The following PNLIP variants were observed in gnomAD, a reference collection of about 807,000 sequenced individuals.
PNLIP encodes pancreatic lipase, also known as pancreatic triacylglycerol lipase.
PNLIP carries 49 observed loss-of-function variants against 57.1 expected under a neutral mutation model. The ratio of observed to expected loss-of-function variants is 0.86; its 90% CI spans 0.68 to 1.09. The LOEUF (loss-of-function observed/expected upper bound fraction) is 1.09, where lower values mean the gene tolerates loss of function less well. PNLIP is among the 50% of genes least tolerant of loss of function. The pLI, the probability that PNLIP is intolerant of heterozygous loss-of-function variation, is 0.00. For missense variants in PNLIP, 503 were observed against 570.2 expected, an observed-to-expected ratio of 0.88 and a Z score of 1.20; for synonymous variants, 209 against 200.4, an observed-to-expected ratio of 1.04 and a Z score of -0.36.
At chr10:116,567,691 G>A (rs759112252) in intron 12 of PNLIP, 44 bp from the exon 13 acceptor site, 9 of 1,517,366 alleles carry the variant, frequency 5.9e-6, no homozygotes, top group African/African-American at 5.5e-5. Context: ...CTCCAGATAT[G>A]TGCCAGGAAG....
intron 4 of PNLIP, among the ~76,000 whole-genome samples, chr10:116,550,238 T>C (rs535731589): frequency 1.3e-5 from 2 of 151,724 alleles, no homozygotes; most frequent in African/African-American, 4.8e-5. Flanking sequence ...TTTTGTACTT[T>C]TAGTAGAGAT....
Position 116,548,384 on chromosome 10 carries a change from A to G in PNLIP, c.226A>G (p.Ile76Val). ...FQEVAADSSS[I>V]SGSNFKTNRK... Reference sequence around the variant, plus strand: ...GGAAGTTGCCGCAGATTCATCAAGCATCAGTGGCTCCAATTTCAAAACAAA... The same window carrying G: ...GGAAGTTGCCGCAGATTCATCAAGCGTCAGTGGCTCCAATTTCAAAACAAA... The change falls in exon 4 of 13, where the codon ATC becomes GTC. Residue 76 changes from isoleucine (I) to valine (V), a missense_variant. Coordinates refer to ENST00000369221, the MANE Select transcript of PNLIP (RefSeq NM_000936.4). 1 of 1,614,182 alleles carries G rather than the reference A, an allele frequency of 6.2e-7. No individual in the cohort carries two copies. The highest frequency in any genetic ancestry group is 8.5e-7 in the Non-Finnish European group (1 of 1,179,992).
Position 116,553,774 on chromosome 10 carries a change from C to T in PNLIP, c.507C>T (p.Ser169=), listed in dbSNP as rs760899993. 5 of 1,613,232 alleles carry T rather than the reference C, an allele frequency of 3.1e-6. No individual in the cohort carries two copies. The Admixed American group carries it at 5.0e-5, about 16-fold the overall frequency. ...CCAATGTGCATGTCATTGGCCACAG[C>T]CTGGGTGCCCACGCTGCTGGGGAGG... is the stretch of plus-strand genomic sequence containing the variant. ...SPSNVHVIGH[S]LGAHAAGEAG... The change falls in exon 6 of 13, where the codon AGC becomes AGT. Residue 169 remains serine (S), a synonymous_variant. Transcript: ENST00000369221.
intron 4 of PNLIP, among the ~76,000 whole-genome samples, 195 bp downstream of exon 4, chr10:116,548,677 T>A (rs1489481098): frequency 1.3e-5 from 2 of 152,174 alleles, no homozygotes; most frequent in Non-Finnish European, 2.9e-5. Flanking sequence ...GTCAGAGCAG[T>A]GAGGCTGGCA....
chr10:116,552,042 T>C (rs142924734), intron 5 of PNLIP, among the ~76,000 whole-genome samples: 130 of 152,316 alleles, frequency 8.5e-4, no homozygotes, highest in African/African-American at 3.0e-3. Flanking sequence ...ATAGCTATCA[T>C]GATACCACAG....
chr10:116,553,580 A>G, intron 5 of PNLIP, 147 bp from the exon 6 acceptor site: 1 of 658,578 alleles, frequency 1.5e-6, no homozygotes, highest in Non-Finnish European at 2.7e-6. Flanking sequence ...GTAGTAGGCT[A>G]TGCCATCTAG....
intron 4 of PNLIP, among the ~76,000 whole-genome samples, chr10:116,548,748 A>G (rs1847157497): frequency 6.6e-6 from 1 of 152,194 alleles, no homozygotes. Flanking sequence ...TTTCAACATT[A>G]TAGCAACAGA....
intron 4 of PNLIP, among the ~76,000 whole-genome samples, chr10:116,549,069 T>A (rs568114845): frequency 1.2e-4 from 19 of 152,332 alleles, no homozygotes; most frequent in African/African-American, 3.8e-4. Flanking sequence ...TAACTGCTAG[T>A]GCTTGAGGAA....
intron 9 of PNLIP, among the ~76,000 whole-genome samples, 158 bp downstream of exon 9, chr10:116,556,276 C>A (rs1455033855): frequency 6.6e-6 from 1 of 152,120 alleles, no homozygotes; most frequent in Admixed American, 6.6e-5. Flanking sequence ...AATTAGAGCA[C>A]TTTAGAGAAA....
rs570025333 is a variant in PNLIP, at chr10:116,547,934, A to G, written c.202-426A>G. ...TTCATATTATTCTTGTCCTTCCTCTATAACATTTAATAAATATTGTAAATG... is the reference window on the plus strand; with the variant it reads ...TTCATATTATTCTTGTCCTTCCTCTGTAACATTTAATAAATATTGTAAATG... On this transcript the variant is annotated intron_variant, in intron 3 of 12. Coordinates refer to ENST00000369221, the MANE Select transcript of PNLIP (RefSeq NM_000936.4). Among the ~76,000 whole-genome samples, 56 of 152,156 alleles carry G rather than the reference A, an allele frequency of 3.7e-4. 1 individual carries two copies. The highest frequency in any genetic ancestry group is 1.7e-3 in the South Asian group (8 of 4,818).
intron 12 of PNLIP, among the ~76,000 whole-genome samples, chr10:116,565,249 CAAA>C (rs71010093): frequency 5.4e-4 from 18 of 33,402 alleles, no homozygotes; most frequent in Non-Finnish European, 4.3e-4. Context: ...GACAATGTCT[CAAA>C]AAAAAAAAAA....
rs1214393208 is a variant in PNLIP, at chr10:116,548,349, T to C, written c.202-11T>C. On this transcript the variant is annotated splice_polypyrimidine_tract_variant and intron_variant, in intron 3 of 12. Transcript: ENST00000369221. ...AGGAAACTGACATGAAACACTTTTCTGTCTAAACAGGAAGTTGCCGCAGAT... is the reference window on the plus strand; with the variant it reads ...AGGAAACTGACATGAAACACTTTTCCGTCTAAACAGGAAGTTGCCGCAGAT... 2 of 1,613,398 alleles carry C rather than the reference T, an allele frequency of 1.2e-6. No individual in the cohort carries two copies.
At chr10:116,564,372 G>T (rs1353276308) in intron 12 of PNLIP, among the ~76,000 whole-genome samples, 1 of 152,102 alleles carries the variant, frequency 6.6e-6, no homozygotes, top group African/African-American at 2.4e-5. Context: ...AAGCCAGAAG[G>T]CAGTGAAACA....
At position 116,567,784 on chromosome 10, in the gene PNLIP, C is replaced by T. The variant is rs770969936; in HGVS notation, c.1384C>T (p.Leu462Phe). Residue 462 changes from leucine to phenylalanine, a missense_variant, in exon 13 of 13, where the codon CTC becomes TTC. Coordinates refer to ENST00000369221, the MANE Select transcript of PNLIP (RefSeq NM_000936.4). ...CGTCAGGGAGGAAGTTCTGCTCACC[C>T]TCACACCGTGTTAGGAGACTACTGT... Reference protein sequence around the residue: ...ETVREEVLLTLTPC With the variant: ...ETVREEVLLTFTPC 5.0e-6 allele frequency: 8 copies of T among 1,613,154 alleles called. No homozygotes were observed. The highest frequency in any genetic ancestry group is 2.2e-5 in the East Asian group (1 of 44,890).
chr10:116,551,095 C>A lies in PNLIP; in HGVS notation c.325-3C>A. 6.4e-7 allele frequency: 1 copy of A among 1,574,048 alleles called. No individual in the cohort carries two copies. The highest frequency in any genetic ancestry group is 8.6e-7 in the Non-Finnish European group (1 of 1,158,578). ...TATCTGTTTATTGTGCCCCTTCCAC[C>A]AGAATCTGTTCAAGGTGGAAAGTGT... On this transcript the variant is annotated splice_polypyrimidine_tract_variant and splice_region_variant and intron_variant, in intron 4 of 12. Coordinates refer to ENST00000369221, the MANE Select transcript of PNLIP (RefSeq NM_000936.4).
chr10:116,567,117 CTTTCTCTT>C (rs935181647), intron 12 of PNLIP, among the ~76,000 whole-genome samples: 2 of 32,926 alleles, frequency 6.1e-5, no homozygotes, highest in African/African-American at 1.6e-4. Context: ...TCCCTCCTTT[CTTTCTCTT>C]TCTTTCTTTC....
Position 116,567,496 on chromosome 10 carries a change from T to C in PNLIP, c.1335-239T>C, listed in dbSNP as rs569709278. Among the ~76,000 whole-genome samples the C allele has an allele frequency of 1.7e-4, 26 of 152,308 alleles. 1 individual carries two copies. In the East Asian group the frequency reaches 5.0e-3, roughly 29 times the overall value. ...CTCATGACAAATGAGTCTTTCTTTT[T>C]CTTTGGGGCGTCTACTGACAGCTTC... On this transcript the variant is annotated intron_variant, in intron 12 of 12. Transcript: ENST00000369221.
At chr10:116,567,441 G>A (rs933471187) in intron 12 of PNLIP, among the ~76,000 whole-genome samples, 2 of 152,134 alleles carry the variant, frequency 1.3e-5, no homozygotes, top group African/African-American at 4.8e-5. Context: ...GAGTTGCATT[G>A]GTTGACATGG....
At chr10:116,563,178 G>A (rs1278421296) in intron 12 of PNLIP, among the ~76,000 whole-genome samples, 1 of 152,122 alleles carries the variant, frequency 6.6e-6, no homozygotes, top group Non-Finnish European at 1.5e-5. Context: ...TACAGGTTAA[G>A]TGTTTCTCAT....
Sources: gnomAD v4.1 joint callset for allele counts (sites outside exome capture counted in the v4.1 genomes callset) on GRCh38, gnomAD v4.1.1 for gene constraint, MANE v1.5 for transcripts, NCBI Gene and HGNC (gene_info 2026-07-23, HGNC 2026-07-21) for gene names.